The following DKK3 variants were observed in gnomAD, a reference collection of about 807,000 sequenced individuals.
DKK3 encodes dickkopf-related protein 3.
In DKK3, 22 loss-of-function variants were observed where a neutral mutation model predicts 33.2. That is an observed-to-expected ratio of 0.66 (90% CI 0.47 to 0.95). DKK3 has a LOEUF of 0.95. Among genes scored for constraint, DKK3 ranks in the 40% least tolerant of loss-of-function variants. The pLI, the probability that DKK3 is intolerant of heterozygous loss-of-function variation, is 0.00. For missense variants in DKK3, 398 were observed against 458.4 expected (o/e 0.87, Z 1.20); for synonymous variants, 194 against 188.8 (o/e 1.03, Z -0.23).
rs746900172 is a variant in DKK3 at position 11,965,923 on chromosome 11, T to C, written c.716A>G (p.Glu239Gly). ...CCGGCTGGCGGGGTCATGGCAAAGC[T>C]CGCCCTCCACGGGCAGGGGTGTGCA... Reference protein sequence around the residue: ...PVCTPLPVEGELCHDPASRLL... With the variant: ...PVCTPLPVEGGLCHDPASRLL... The change falls in exon 6 of 7, where the codon GAG (glutamate) becomes GGG (glycine). Residue 239 changes from glutamate (E) to glycine (G), a missense_variant. Transcript: ENST00000683431. The C allele has an allele frequency of 1.2e-6, 2 of 1,613,778 alleles. No homozygotes were observed. The highest frequency in any genetic ancestry group is 1.7e-5 in the Admixed American group (1 of 60,018).
At chr11:11,979,662 A>G (rs1847914833) in intron 3 of DKK3, 1 of 152,268 alleles carries the variant, frequency 6.6e-6, no homozygotes, top group South Asian at 2.1e-4. Flanking sequence ...TGCTACCCTC[A>G]CAGATGCTCC....
intron 1 of DKK3, among the ~76,000 whole-genome samples, chr11:12,004,999 C>T (rs1344635279): frequency 1.3e-5 from 2 of 152,016 alleles, no homozygotes; most frequent in Non-Finnish European, 2.9e-5. Context: ...GAGACCTTGC[C>T]CTCAGTTACC....
At chr11:11,984,037 C>A (rs1848011763) in intron 3 of DKK3, among the ~76,000 whole-genome samples, 1 of 152,206 alleles carries the variant, frequency 6.6e-6, no homozygotes, top group Non-Finnish European at 1.5e-5. Flanking sequence ...CTGCTGCCCA[C>A]TAGGCCATGT....
At chr11:11,990,942 G>A (rs929019014) in intron 3 of DKK3, among the ~76,000 whole-genome samples, 5 of 152,212 alleles carry the variant, frequency 3.3e-5, no homozygotes, top group South Asian at 2.1e-4. Flanking sequence ...TTCCTGCCAC[G>A]GTTTCATGGC....
chr11:12,002,515 C>A lies in DKK3; in HGVS notation c.214-78G>T. 7 of 1,496,748 alleles carry A rather than the reference C, an allele frequency of 4.7e-6. No homozygotes were observed. The South Asian group carries it at 8.4e-5, about 18-fold the overall frequency. 92.7% of individuals were successfully genotyped at this position (1,496,748 alleles called of 1,614,324 possible). On this transcript the variant is annotated intron_variant, in intron 1 of 6. Transcript: ENST00000683431. ...GGAGTCTATTAGAAAAAAAAAATCT[C>A]TTTTCCTCTTCTGCAATTACAAAGA...
chr11:11,967,451 A>G (rs944399795), intron 4 of DKK3, among the ~76,000 whole-genome samples: 13 of 152,224 alleles, frequency 8.5e-5, no homozygotes, highest in African/African-American at 2.7e-4. Context: ...GCAAGGCCCA[A>G]TGATGAGCCG....
At chr11:11,970,975 G>A (rs1032147627) in intron 3 of DKK3, among the ~76,000 whole-genome samples, 3 of 151,482 alleles carry the variant, frequency 2.0e-5, no homozygotes, top group African/African-American at 4.9e-5. Context: ...AATATTCAAT[G>A]TTAGTTTCAG....
In DKK3 at chr11:11,964,482, C is replaced by T. The variant is rs900175536; in HGVS notation, c.1035G>A (p.Leu345=). 14 of 1,612,716 alleles carry T rather than the reference C, an allele frequency of 8.7e-6. No homozygotes were observed. Among genetic ancestry groups the T allele is most frequent in the East Asian group, 4.5e-5 (2 of 44,880 alleles). ...REPAAAAAAL[L]GGEEI is the part of the protein sequence containing the mutation. ...TCCAGATCTAAATCTCTTCCCCTCC[C>T]AGCAGTGCAGCGGCGGCAGCCGCAG... Residue 345 remains leucine, a synonymous_variant, in exon 7 of 7, where the codon CTG becomes CTA. Transcript: ENST00000683431.
At chr11:11,999,412 A>T (rs1848374718) in intron 2 of DKK3, among the ~76,000 whole-genome samples, 1 of 152,162 alleles carries the variant, frequency 6.6e-6, no homozygotes, top group Non-Finnish European at 1.5e-5. Flanking sequence ...TTGGTGATGA[A>T]GGACAGAAAA....
chr11:11,967,901 G>A (rs1191721454), intron 4 of DKK3, among the ~76,000 whole-genome samples: 1 of 152,160 alleles, frequency 6.6e-6, no homozygotes, highest in African/African-American at 2.4e-5. Flanking sequence ...GTGGGGTGCA[G>A]GTCCAGAAGG....
chr11:12,003,310 T>A (rs1367299384), intron 1 of DKK3, among the ~76,000 whole-genome samples: 1 of 152,142 alleles, frequency 6.6e-6, no homozygotes, highest in Admixed American at 6.5e-5. Flanking sequence ...GCCTCTTGGG[T>A]ACCCTTGTAG....
chr11:11,979,756 A>G (rs1350073219), intron 3 of DKK3: 1 of 152,178 alleles, frequency 6.6e-6, no homozygotes, highest in Non-Finnish European at 1.5e-5. Context: ...TCTCCACCAG[A>G]CTCCTTTCTG....
chr11:12,003,525 A>G (rs1848473833), intron 1 of DKK3, among the ~76,000 whole-genome samples: 3 of 152,110 alleles, frequency 2.0e-5, no homozygotes, highest in Admixed American at 2.0e-4. Flanking sequence ...TTCCCCTTCC[A>G]GATTTATCAC....
chr11:12,001,963 A>C, intron 2 of DKK3: 1 of 193,802 alleles, frequency 5.2e-6, no homozygotes, highest in Non-Finnish European at 1.1e-5. Context: ...GAGATAGATC[A>C]ATTCCACAAA....
intron 2 of DKK3, among the ~76,000 whole-genome samples, chr11:11,999,392 A>G (rs1013830665): frequency 2.1e-4 from 32 of 152,212 alleles, no homozygotes; most frequent in African/African-American, 7.5e-4. Flanking sequence ...GGTCACGTCT[A>G]ATGTCTGATT....
intron 3 of DKK3, among the ~76,000 whole-genome samples, chr11:11,975,120 C>G (rs998377138): frequency 2.6e-5 from 4 of 152,146 alleles, no homozygotes; most frequent in African/African-American, 9.7e-5. Context: ...GAATAGATTC[C>G]TGTTAAGTCG....
chr11:12,001,440 C>T (rs796066080), intron 2 of DKK3, among the ~76,000 whole-genome samples: 15 of 152,330 alleles, frequency 9.8e-5, no homozygotes, highest in African/African-American at 1.9e-4. Context: ...TAATTACCTG[C>T]GCACTTGAAT....
At chr11:11,996,128 T>C (rs1335626688) in intron 3 of DKK3, among the ~76,000 whole-genome samples, 1 of 152,250 alleles carries the variant, frequency 6.6e-6, no homozygotes, top group Non-Finnish European at 1.5e-5. Context: ...ACACAGCATA[T>C]GATTTGTCCT....
intron 3 of DKK3, among the ~76,000 whole-genome samples, chr11:11,986,326 C>A (rs1482355754): frequency 6.6e-6 from 1 of 152,116 alleles, no homozygotes; most frequent in Non-Finnish European, 1.5e-5. Context: ...CGGGAGCATG[C>A]CACCCACTTA....
Sources: gnomAD v4.1 joint callset for allele counts (sites outside exome capture counted in the v4.1 genomes callset) on GRCh38, gnomAD v4.1.1 for gene constraint, MANE v1.5 for transcripts, NCBI Gene and HGNC (gene_info 2026-07-23, HGNC 2026-07-21) for gene names.